STAG1: variants seen among roughly 807,000 people sequenced by gnomAD.
STAG1 encodes the protein cohesin subunit SA-1.
A neutral mutation model predicts 170.9 loss-of-function variants in STAG1; 26 were observed. The ratio of observed to expected loss-of-function variants is 0.15; its 90% CI spans 0.11 to 0.21. STAG1 has a LOEUF of 0.21. Ranked by LOEUF, STAG1 falls within the 10% of genes least tolerant of loss-of-function variation. The pLI, the probability that STAG1 is intolerant of heterozygous loss-of-function variation, is 1.00. For missense variants in STAG1, 964 were observed against 1,509.5 expected (o/e 0.64, Z 5.99); for synonymous variants, 514 against 497.7 (o/e 1.03, Z -0.44).
At chr3:136,415,127 G>T (rs190307754) in intron 21 of STAG1, among the ~76,000 whole-genome samples, 4 of 152,028 alleles carry the variant, frequency 2.6e-5, no homozygotes, top group Non-Finnish European at 5.9e-5. Flanking sequence ...ATGTGACACA[G>T]AAACACTAAG....
At chr3:136,541,161 TTAA>T (rs774392544) in intron 6 of STAG1, among the ~76,000 whole-genome samples, 4 of 152,010 alleles carry the variant, frequency 2.6e-5, no homozygotes, top group Non-Finnish European at 4.4e-5. Flanking sequence ...CAAGTTAAAA[TTAA>T]TAATAATAAA....
intron 14 of STAG1, 52 bp from the exon 15 acceptor site, chr3:136,443,456 T>C: frequency 8.2e-7 from 1 of 1,214,100 alleles, no homozygotes; most frequent in Non-Finnish European, 1.2e-6. Context: ...AAGAAACTAC[T>C]AATACTAATT....
chr3:136,515,142 A>G (rs770364342), intron 7 of STAG1, among the ~76,000 whole-genome samples: 5 of 152,124 alleles, frequency 3.3e-5, no homozygotes, highest in Non-Finnish European at 5.9e-5. Flanking sequence ...AGGTGGGCGG[A>G]CTGCCCGAGG....
rs781471230 is a variant in STAG1, at chr3:136,500,179, T to C, written c.902+44A>G. On this transcript the variant is annotated intron_variant, in intron 9 of 33. Coordinates refer to ENST00000383202, the MANE Select transcript of STAG1 (RefSeq NM_005862.3). ...CTGGGCCACAAAAAAAATCAATAAT[T>C]GTTTAAGTGAAAAGCCTTCAAAATT... The C allele has an allele frequency of 1.8e-5, 22 of 1,249,890 alleles. No individual in the cohort carries two copies. In the East Asian group the frequency reaches 4.5e-4, roughly 26 times the overall value. 77.4% of individuals were successfully genotyped at this position (1,249,890 alleles called of 1,614,324 possible). A position where few individuals can be genotyped will look rare whatever the true frequency, so the allele number is the denominator to read the frequency against.
chr3:136,745,528 G>A (rs891375604), intron 1 of STAG1, among the ~76,000 whole-genome samples: 17 of 152,140 alleles, frequency 1.1e-4, no homozygotes, highest in Non-Finnish European at 1.5e-4. Flanking sequence ...AGCACGCAAC[G>A]TACATCCCTT....
intron 1 of STAG1, among the ~76,000 whole-genome samples, chr3:136,668,182 G>A (rs1056996239): frequency 2.6e-4 from 40 of 151,190 alleles, no homozygotes; most frequent in Admixed American, 2.6e-4. Context: ...GCAATGAGGC[G>A]AGATCATGCC....
intron 5 of STAG1, among the ~76,000 whole-genome samples, chr3:136,548,126 T>C (rs893759383): frequency 6.6e-5 from 10 of 151,974 alleles, no homozygotes; most frequent in Admixed American, 5.9e-4. Flanking sequence ...TTTGTTTTTT[T>C]TTTTTGAGAC....
intron 3 of STAG1, among the ~76,000 whole-genome samples, chr3:136,608,052 T>C (rs1230601115): frequency 6.6e-6 from 1 of 151,804 alleles, no homozygotes; most frequent in Non-Finnish European, 1.5e-5. Context: ...AGATAAGGAG[T>C]TCTAGACCAG....
intron 4 of STAG1, among the ~76,000 whole-genome samples, chr3:136,575,004 A>T (rs191916028): frequency 1.3e-5 from 2 of 152,342 alleles, no homozygotes; most frequent in East Asian, 3.9e-4. Context: ...AATCTGATTT[A>T]AAAATCAGTA....
intron 6 of STAG1, among the ~76,000 whole-genome samples, chr3:136,538,226 T>TGCG (rs1935734311): frequency 6.6e-6 from 1 of 152,154 alleles, no homozygotes; most frequent in Non-Finnish European, 1.5e-5. Context: ...TACATTTAAT[T>TGCG]CTATTAATAA....
chr3:136,504,485 C>T (rs1933654399), intron 7 of STAG1, among the ~76,000 whole-genome samples: 1 of 152,006 alleles, frequency 6.6e-6, no homozygotes, highest in Admixed American at 6.6e-5. Context: ...TTGTGTGTTG[C>T]CAGTAGTAGT....
chr3:136,531,476 C>A (rs1291120931), intron 6 of STAG1, among the ~76,000 whole-genome samples: 1 of 149,380 alleles, frequency 6.7e-6, no homozygotes, highest in Non-Finnish European at 1.5e-5. Flanking sequence ...TTTATTGCGG[C>A]ATTATTCACA....
chr3:136,461,719 C>CA (rs1004018721), intron 13 of STAG1, among the ~76,000 whole-genome samples: 8 of 151,750 alleles, frequency 5.3e-5, no homozygotes, highest in African/African-American at 1.9e-4. Context: ...TTATATTAAG[C>CA]AAAAAAGTTT....
intron 1 of STAG1, among the ~76,000 whole-genome samples, chr3:136,659,236 A>G (rs1360109941): frequency 6.6e-6 from 1 of 152,196 alleles, no homozygotes; most frequent in East Asian, 1.9e-4. Context: ...TTTGAAAATT[A>G]TTTTTCCAAA....
intron 1 of STAG1, chr3:136,737,348 C>A: frequency 2.7e-6 from 1 of 371,052 alleles, no homozygotes; most frequent in African/African-American, 2.1e-5. Context: ...GTGATCCACC[C>A]ACCTCAGCCT....
intron 6 of STAG1, among the ~76,000 whole-genome samples, chr3:136,532,128 TA>T (rs915989633): frequency 6.6e-6 from 1 of 151,104 alleles, no homozygotes; most frequent in African/African-American, 2.4e-5. Context: ...AAGACCCAAA[TA>T]AAAAAAATTA....
chr3:136,453,302 G>C (rs1431459772), intron 13 of STAG1, among the ~76,000 whole-genome samples: 1 of 152,020 alleles, frequency 6.6e-6, no homozygotes, highest in Non-Finnish European at 1.5e-5. Flanking sequence ...CTTAAAAACT[G>C]CTAAGTTGGC....
chr3:136,694,209 C>A (rs1942811113), intron 1 of STAG1, among the ~76,000 whole-genome samples: 1 of 152,016 alleles, frequency 6.6e-6, no homozygotes, highest in Admixed American at 6.6e-5. Flanking sequence ...GATACTTATC[C>A]CAATATCGTA....
At chr3:136,673,012 C>T (rs1942023845) in intron 1 of STAG1, among the ~76,000 whole-genome samples, 1 of 152,164 alleles carries the variant, frequency 6.6e-6, no homozygotes, top group Non-Finnish European at 1.5e-5. Flanking sequence ...TTTCCAATGT[C>T]ATTATACATG....
Sources: gnomAD v4.1 joint callset for allele counts (sites outside exome capture counted in the v4.1 genomes callset) on GRCh38, gnomAD v4.1.1 for gene constraint, MANE v1.5 for transcripts, NCBI Gene and HGNC (gene_info 2026-07-23, HGNC 2026-07-21) for gene names.